The following ST6GAL1 variants were observed in gnomAD, a reference collection of about 807,000 sequenced individuals.
ST6GAL1 encodes the protein beta-galactoside alpha-2,6-sialyltransferase 1.
ST6GAL1 carries 20 observed loss-of-function variants against 38.0 expected under a neutral mutation model. That is an observed-to-expected ratio of 0.53 (90% CI 0.37 to 0.77). The LOEUF (loss-of-function observed/expected upper bound fraction) is 0.77. ST6GAL1 is among the 30% of genes least tolerant of loss of function. The pLI is 0.00. For synonymous variants in ST6GAL1, 196 were observed against 188.2 expected, an observed-to-expected ratio of 1.04 and a Z score of -0.34; for missense variants, 432 against 496.4, an observed-to-expected ratio of 0.87 and a Z score of 1.23.
intron 2 of ST6GAL1, among the ~76,000 whole-genome samples, chr3:187,010,461 A>G (rs1245195649): frequency 1.3e-5 from 2 of 152,222 alleles, no homozygotes; most frequent in Non-Finnish European, 2.9e-5. Flanking sequence ...AGTAGAAGAA[A>G]AATGATTTAT....
intron 1 of ST6GAL1, among the ~76,000 whole-genome samples, chr3:186,937,101 A>T (rs35133002): frequency 0.73 from 110,414 of 151,516 alleles, 40,409 homozygotes; most frequent in African/African-American, 0.79. Flanking sequence ...TTAAATGGAT[A>T]TATTTTTTGT....
intron 5 of ST6GAL1, among the ~76,000 whole-genome samples, chr3:187,055,533 A>G (rs1718669164): frequency 6.6e-6 from 1 of 152,140 alleles, no homozygotes; most frequent in Non-Finnish European, 1.5e-5. Flanking sequence ...TTCAAAGAAC[A>G]TCTTTATTTC....
At chr3:186,970,951 C>T (rs1213255565) in intron 2 of ST6GAL1, among the ~76,000 whole-genome samples, 2 of 152,182 alleles carry the variant, frequency 1.3e-5, no homozygotes, top group Non-Finnish European at 2.9e-5. Flanking sequence ...GCATGGTGAG[C>T]ATATTATTTT....
At chr3:187,067,628 A>G (rs919411745) in intron 5 of ST6GAL1, among the ~76,000 whole-genome samples, 2 of 152,092 alleles carry the variant, frequency 1.3e-5, no homozygotes, top group African/African-American at 4.8e-5. Flanking sequence ...ATTCATCTCA[A>G]GTAGCTCAAG....
intron 5 of ST6GAL1, among the ~76,000 whole-genome samples, chr3:187,052,718 T>A (rs1718559027): frequency 1.3e-5 from 2 of 152,230 alleles, no homozygotes; most frequent in Admixed American, 1.3e-4. Flanking sequence ...TTGGGTTGGT[T>A]CCAAGTCTTT....
chr3:186,948,528 AGTGTGTGTGT>A (rs36234165), intron 1 of ST6GAL1, among the ~76,000 whole-genome samples: 155 of 146,346 alleles, frequency 1.1e-3, no homozygotes, highest in African/African-American at 3.0e-3. Context: ...CAGAAACTCT[AGTGTGTGTGT>A]GTGTGTGTGT....
intron 1 of ST6GAL1, among the ~76,000 whole-genome samples, chr3:186,959,525 A>G (rs1306926338): frequency 6.6e-6 from 1 of 152,238 alleles, no homozygotes; most frequent in Non-Finnish European, 1.5e-5. Context: ...ACAAAAAAAA[A>G]TTGAAATTAA....
chr3:186,954,676 T>C (rs1392281314), intron 1 of ST6GAL1, among the ~76,000 whole-genome samples: 3 of 152,130 alleles, frequency 2.0e-5, no homozygotes, highest in African/African-American at 7.2e-5. Context: ...TTAATGGGTT[T>C]TTTTTTTCTT....
chr3:186,967,223 GCTCT>G (rs1715166160), intron 2 of ST6GAL1, among the ~76,000 whole-genome samples: 1 of 152,158 alleles, frequency 6.6e-6, no homozygotes, highest in Non-Finnish European at 1.5e-5. Flanking sequence ...ACGGTGTCTT[GCTCT>G]GTTGCCCAGG....
At chr3:186,995,491 G>C (rs1284004346) in intron 2 of ST6GAL1, among the ~76,000 whole-genome samples, 1 of 128,886 alleles carries the variant, frequency 7.8e-6, no homozygotes, top group African/African-American at 2.9e-5. Flanking sequence ...GGGTGACAGA[G>C]TGAGACACCA....
At chr3:186,984,773 TCCTTC>T (rs1256750018) in intron 2 of ST6GAL1, among the ~76,000 whole-genome samples, 1 of 30,402 alleles carries the variant, frequency 3.3e-5, no homozygotes. Context: ...CCTCCTTCCT[TCCTTC>T]CCTTCCTCCC....
At chr3:186,984,753 TCCC>T (rs534136135) in intron 2 of ST6GAL1, among the ~76,000 whole-genome samples, 1 of 33,700 alleles carries the variant, frequency 3.0e-5, no homozygotes, top group Non-Finnish European at 6.1e-5. Flanking sequence ...CCTCCCTCCC[TCCC>T]TCCCTCCCTC....
chr3:187,073,960 G>A (rs1719474016), intron 6 of ST6GAL1, 199 bp from the exon 7 acceptor site: 3 of 474,894 alleles, frequency 6.3e-6, no homozygotes, highest in Non-Finnish European at 1.1e-5. Context: ...CAGGCTATAG[G>A]CTAGGCCCCA....
intron 5 of ST6GAL1, 163 bp downstream of exon 5, chr3:187,051,509 C>A: frequency 1.6e-6 from 1 of 623,732 alleles, no homozygotes; most frequent in South Asian, 1.9e-5. Context: ...TTCCATGACC[C>A]AACCTGATGA....
chr3:186,975,855 C>T (rs1399209850), intron 2 of ST6GAL1, among the ~76,000 whole-genome samples: 1 of 152,144 alleles, frequency 6.6e-6, no homozygotes, highest in Non-Finnish European at 1.5e-5. Flanking sequence ...GTGAGACCTC[C>T]CTTACCTCAT....
At chr3:187,003,220 G>A (rs1257738004) in intron 2 of ST6GAL1, among the ~76,000 whole-genome samples, 2 of 152,218 alleles carry the variant, frequency 1.3e-5, no homozygotes, top group Admixed American at 1.3e-4. Flanking sequence ...CCCAGCTCAA[G>A]GCAGTCAGAC....
rs373753437 is a variant in ST6GAL1, at chr3:187,077,120, G to C, written c.*1317G>C. 1 of 397,808 alleles carries C rather than the reference G, an allele frequency of 2.5e-6. No individual in the cohort carries two copies. The allele number at this position is 397,808 out of a possible 1,614,324, so 24.6% of individuals were successfully genotyped here. On this transcript the variant is annotated 3_prime_UTR_variant, in exon 8 of 8. Coordinates refer to ENST00000169298, the MANE Select transcript of ST6GAL1 (RefSeq NM_173216.2). The stretch of plus-strand genomic sequence containing the variant: ...GTCACTCTCAGAGGTCAGAACCTTG[G>C]AGATCAGAACTGATTCTCACCAGGT...
At position 187,076,097 on chromosome 3, in the gene ST6GAL1, T is replaced by G; in HGVS notation, c.*294T>G. The G allele has an allele frequency of 2.6e-6, 1 of 377,772 alleles. No homozygotes were observed. The highest frequency in any genetic ancestry group is 4.8e-6 in the Non-Finnish European group (1 of 207,106). 23.4% of individuals were successfully genotyped at this position (377,772 alleles called of 1,614,324 possible). ...TCCACCTTGGTAGATGCAAGGTCTATCTCTCCCATCAGGGCTGCCAAAGCT... is the reference window on the plus strand; with the variant it reads ...TCCACCTTGGTAGATGCAAGGTCTAGCTCTCCCATCAGGGCTGCCAAAGCT... On this transcript the variant is annotated 3_prime_UTR_variant, in exon 8 of 8. Coordinates refer to ENST00000169298, the MANE Select transcript of ST6GAL1 (RefSeq NM_173216.2).
chr3:186,984,845 C>CT (rs1715849157), intron 2 of ST6GAL1, among the ~76,000 whole-genome samples: 1 of 79,804 alleles, frequency 1.3e-5, no homozygotes, highest in African/African-American at 4.9e-5. Context: ...CCCTCCCTCC[C>CT]TCCTTCCTTC....
Sources: allele counts gnomAD v4.1 joint callset (sites outside exome capture counted in the v4.1 genomes callset), GRCh38; gene constraint gnomAD v4.1.1; transcripts MANE v1.5; gene names NCBI Gene and HGNC (gene_info 2026-07-23, HGNC 2026-07-21).